The following PRKG1 variants were observed in gnomAD, a reference collection of about 807,000 sequenced individuals.
PRKG1 encodes cGMP-dependent protein kinase 1.
Under a neutral mutation model 88.1 loss-of-function variants are expected in PRKG1, and 35 were observed. The ratio of observed to expected loss-of-function variants is 0.40; its 90% CI spans 0.30 to 0.53. PRKG1 has a LOEUF of 0.53. Among genes scored for constraint, PRKG1 ranks in the 20% least tolerant of loss-of-function variants. PRKG1 has a pLI of 0.59. For missense variants in PRKG1, 540 were observed against 839.8 expected, an observed-to-expected ratio of 0.64 and a Z score of 4.41; for synonymous variants, 303 against 292.5, an observed-to-expected ratio of 1.04 and a Z score of -0.37.
chr10:52,169,689 G>A (rs1327966742), intron 9 of PRKG1, among the ~76,000 whole-genome samples: 1 of 152,220 alleles, frequency 6.6e-6, no homozygotes, highest in Non-Finnish European at 1.5e-5. Context: ...TCACAATGGA[G>A]TGGTGGGGAT....
At chr10:51,848,007 C>T (rs548932676) in intron 4 of PRKG1, among the ~76,000 whole-genome samples, 2 of 151,896 alleles carry the variant, frequency 1.3e-5, no homozygotes, top group East Asian at 1.9e-4. Flanking sequence ...CCTACCTCTG[C>T]GTCCCTCTAA....
intron 3 of PRKG1, among the ~76,000 whole-genome samples, chr10:51,727,300 A>ATT (rs1256413515): frequency 6.2e-4 from 90 of 144,876 alleles, no homozygotes; most frequent in South Asian, 8.9e-4. Flanking sequence ...ATATATATAT[A>ATT]TTTTTTTTAC....
chr10:51,021,456 T>C (rs1843135980), intron 1 of PRKG1, among the ~76,000 whole-genome samples: 1 of 152,212 alleles, frequency 6.6e-6, no homozygotes, highest in Non-Finnish European at 1.5e-5. Flanking sequence ...CCTATTTGAT[T>C]ATTCAGTGTG....
chr10:51,684,067 A>C (rs1017994339), intron 3 of PRKG1, among the ~76,000 whole-genome samples: 3 of 152,220 alleles, frequency 2.0e-5, no homozygotes, highest in African/African-American at 7.2e-5. Context: ...ATGTGCACAC[A>C]AATGTTCACA....
At chr10:51,368,116 T>C (rs932463684) in intron 2 of PRKG1, among the ~76,000 whole-genome samples, 1 of 152,068 alleles carries the variant, frequency 6.6e-6, no homozygotes, top group Non-Finnish European at 1.5e-5. Context: ...TATTTTCTTA[T>C]GCAGTTTTAT....
At position 51,034,831 on chromosome 10, in the gene PRKG1, A is replaced by T. The variant is rs1003283567; in HGVS notation, c.266+43187A>T. On this transcript the variant is annotated intron_variant, in intron 1 of 17. Coordinates refer to the PRKG1 transcript ENST00000401604. ...AAAAGTTAGAAAACAGTAGGACAAA[A>T]GACTGATATTGGGAGTGGGAAGCTT... Among the ~76,000 whole-genome samples, 6 of 151,680 alleles carry T rather than the reference A, an allele frequency of 4.0e-5. No individual in the cohort carries two copies. The East Asian group carries it at 1.2e-3, about 29-fold the overall frequency.
At chr10:51,602,515 A>G (rs182297696) in intron 3 of PRKG1, among the ~76,000 whole-genome samples, 8 of 151,500 alleles carry the variant, frequency 5.3e-5, no homozygotes, top group Admixed American at 5.3e-4. Flanking sequence ...GATGATAGCG[A>G]CTCACTGCAG....
intron 7 of PRKG1, among the ~76,000 whole-genome samples, chr10:52,126,587 C>A (rs1452533745): frequency 2.0e-5 from 3 of 152,110 alleles, no homozygotes; most frequent in Non-Finnish European, 4.4e-5. Context: ...CTCAAGTGAT[C>A]TTCCTGCCTC....
intron 1 of PRKG1, among the ~76,000 whole-genome samples, chr10:51,097,308 C>T (rs1215641679): frequency 3.3e-5 from 5 of 152,128 alleles, no homozygotes; most frequent in African/African-American, 4.8e-5. Context: ...CTGCAACTTC[C>T]GCCCCCTGGG....
In PRKG1 at chr10:51,966,867, C is replaced by T. The variant is rs1843579995; in HGVS notation, c.762+59297C>T. ...AATCAAAACCACAATGACATACCAT[C>T]TCATACCAGTTAGAATGGCAATCAT... On this transcript the variant is annotated intron_variant, in intron 5 of 17. Coordinates refer to ENST00000373980, the MANE Select transcript of PRKG1 (RefSeq NM_006258.4). 2.0e-5 allele frequency among the ~76,000 whole-genome samples: 3 copies of T among 152,140 alleles called. 1 individual carries two copies. Among genetic ancestry groups the T allele is most frequent in the African/African-American group, 7.2e-5 (3 of 41,388 alleles).
At chr10:51,929,020 C>A (rs1177020250) in intron 5 of PRKG1, among the ~76,000 whole-genome samples, 2 of 152,110 alleles carry the variant, frequency 1.3e-5, no homozygotes, top group African/African-American at 4.8e-5. Flanking sequence ...AAATACACCC[C>A]ATACCAGACC....
At chr10:51,139,160 A>G (rs943325475) in intron 1 of PRKG1, among the ~76,000 whole-genome samples, 2 of 152,178 alleles carry the variant, frequency 1.3e-5, no homozygotes, top group African/African-American at 4.8e-5. Flanking sequence ...GCTTTCTAGC[A>G]AGTTTCAGTT....
intron 8 of PRKG1, among the ~76,000 whole-genome samples, chr10:52,151,428 ATTAAT>A (rs1261788889): frequency 2.0e-5 from 3 of 152,212 alleles, no homozygotes; most frequent in Non-Finnish European, 2.9e-5. Flanking sequence ...TTATGAAAAA[ATTAAT>A]TTAGTATTGA....
chr10:51,841,118 C>T (rs944075996), intron 4 of PRKG1, among the ~76,000 whole-genome samples: 3 of 152,164 alleles, frequency 2.0e-5, no homozygotes, highest in African/African-American at 7.2e-5. Flanking sequence ...AAAATAAGCT[C>T]ATTACATTTT....
chr10:51,553,708 TATAATATATGTATATATTAGATA>T (rs1837200124), intron 3 of PRKG1, among the ~76,000 whole-genome samples: 2 of 139,066 alleles, frequency 1.4e-5, no homozygotes, highest in Non-Finnish European at 3.3e-5. Context: ...TATACGTGTA[TATAATATATGTATATATTAGATA>T]CGTGTATATA....
intron 4 of PRKG1, among the ~76,000 whole-genome samples, chr10:51,889,581 G>A (rs893314097): frequency 1.2e-4 from 19 of 152,152 alleles, no homozygotes; most frequent in African/African-American, 4.6e-4. Flanking sequence ...CTAGTAATTG[G>A]ATGGCTGGGT....
At chr10:51,351,921 A>G (rs540961178) in intron 2 of PRKG1, among the ~76,000 whole-genome samples, 2 of 152,280 alleles carry the variant, frequency 1.3e-5, no homozygotes, top group South Asian at 4.1e-4. Context: ...ATATTTCTAT[A>G]AGGTGTAAGG....
intron 3 of PRKG1, among the ~76,000 whole-genome samples, chr10:51,745,834 C>G (rs1177049151): frequency 6.6e-6 from 1 of 152,054 alleles, no homozygotes; most frequent in African/African-American, 2.4e-5. Flanking sequence ...CAGGGTGAAA[C>G]CCTGTCTCTA....
chr10:51,551,877 G>A (rs1183804939), intron 3 of PRKG1, among the ~76,000 whole-genome samples: 2 of 151,672 alleles, frequency 1.3e-5, no homozygotes, highest in Non-Finnish European at 3.0e-5. Context: ...TTTTAAGATT[G>A]TGCCTTGGCT....
Sources: gnomAD v4.1 joint callset for allele counts (sites outside exome capture counted in the v4.1 genomes callset) on GRCh38, gnomAD v4.1.1 for gene constraint, MANE v1.5 for transcripts, NCBI Gene and HGNC (gene_info 2026-07-23, HGNC 2026-07-21) for gene names.